Variants in SMG6 observed in about 807,000 individuals in gnomAD.
SMG6 encodes the protein SMG6 nonsense mediated mRNA decay factor, also known as telomerase-binding protein EST1A.
In SMG6, 66 loss-of-function variants were observed where a neutral mutation model predicts 142.2. The ratio of observed to expected loss-of-function variants is 0.46; its 90% CI spans 0.38 to 0.57. The LOEUF (loss-of-function observed/expected upper bound fraction) is 0.57, where lower values mean the gene tolerates loss of function less well. SMG6 is among the 20% of genes least tolerant of loss of function. The pLI, the probability that SMG6 is intolerant of heterozygous loss-of-function variation, is 0.00. For synonymous variants in SMG6, 779 were observed against 702.4 expected, an observed-to-expected ratio of 1.11 and a Z score of -1.72; for missense variants, 1,793 against 1,832.0, an observed-to-expected ratio of 0.98 and a Z score of 0.39.
chr17:2,273,974 C>T (rs1167362018), intron 8 of SMG6, among the ~76,000 whole-genome samples: 12 of 152,210 alleles, frequency 7.9e-5, no homozygotes, highest in Non-Finnish European at 1.3e-4. Context: ...CCACAAATAA[C>T]AAGAATCAAC....
intron 13 of SMG6, among the ~76,000 whole-genome samples, chr17:2,091,720 G>A (rs988126300): frequency 6.0e-5 from 9 of 150,778 alleles, no homozygotes; most frequent in Non-Finnish European, 7.4e-5. Context: ...GCCCAGGCTG[G>A]AGTGCAGTGG....
Position 2,299,119 on chromosome 17 carries a change from G to T in SMG6, c.1634C>A (p.Pro545Gln). ...CTGTCCTGACGGAGTCGGGTAGCCT[G>T]GGTAGTAAGGCCCTGGGTACACACC... ...TNGVYPGPYY[P>Q]GYPTPSGQYV... Residue 545 changes from proline (P) to glutamine (Q), a missense_variant, in exon 2 of 19, where the codon CCA becomes CAA. Around this residue, in one of 3 missense-constraint regions of SMG6, gnomAD observed 1,597 missense variants for 1,584.6 expected, o/e 1.01. Transcript: ENST00000263073. This position sits in a 1 kb window ranked among gnomAD's most constrained non-coding sequence, Gnocchi z 4.3. 6.2e-7 allele frequency: 1 copy of T among 1,614,034 alleles called. No individual in the cohort carries two copies. The highest frequency in any genetic ancestry group is 1.1e-5 in the South Asian group (1 of 91,070).
At chr17:2,062,757 G>C (rs891555952) in intron 18 of SMG6, 3 of 152,400 alleles carry the variant, frequency 2.0e-5, no homozygotes, top group African/African-American at 7.2e-5. Flanking sequence ...TGGCGGGGGT[G>C]GGGGGCTGCA....
intron 10 of SMG6, among the ~76,000 whole-genome samples, chr17:2,195,863 C>T (rs1489705268): frequency 1.3e-4 from 20 of 152,136 alleles, no homozygotes; most frequent in Admixed American, 1.3e-3. Flanking sequence ...CTCATGCCCA[C>T]ATTGTTTGCA....
At chr17:2,177,652 G>C (rs2071688464) in intron 12 of SMG6, among the ~76,000 whole-genome samples, 1 of 152,224 alleles carries the variant, frequency 6.6e-6, no homozygotes, top group South Asian at 2.1e-4. Flanking sequence ...AACCCGGAAA[G>C]AGTTGAGTGA....
At chr17:2,198,472 C>T (rs2072403729) in intron 10 of SMG6, among the ~76,000 whole-genome samples, 1 of 152,152 alleles carries the variant, frequency 6.6e-6, no homozygotes, top group Non-Finnish European at 1.5e-5. Flanking sequence ...GAACCCCACA[C>T]ACACACGCAC....
At chr17:2,080,965 G>A (rs180873471) in intron 15 of SMG6, among the ~76,000 whole-genome samples, 27 of 152,308 alleles carry the variant, frequency 1.8e-4, no homozygotes, top group African/African-American at 5.8e-4. Flanking sequence ...GAGGAAACAG[G>A]CTCTGAGAAG....
chr17:2,193,867 G>A (rs534142038), intron 10 of SMG6, among the ~76,000 whole-genome samples: 2 of 152,304 alleles, frequency 1.3e-5, no homozygotes, highest in East Asian at 1.9e-4. Flanking sequence ...TCACTCTGTC[G>A]TCTAGACTGG....
chr17:2,105,587 A>G (rs1263147822), intron 13 of SMG6, among the ~76,000 whole-genome samples: 1 of 152,182 alleles, frequency 6.6e-6, no homozygotes, highest in African/African-American at 2.4e-5. Flanking sequence ...GCCCAGACTC[A>G]GCAGTAGCCT....
chr17:2,073,366 A>G (rs886341870), intron 15 of SMG6, among the ~76,000 whole-genome samples: 3 of 151,802 alleles, frequency 2.0e-5, no homozygotes, highest in Non-Finnish European at 4.4e-5. Context: ...TTACAGGCGT[A>G]AGCCACTGTG....
chr17:2,197,872 G>T (rs1008816044), intron 10 of SMG6, among the ~76,000 whole-genome samples: 1 of 152,180 alleles, frequency 6.6e-6, no homozygotes, highest in African/African-American at 2.4e-5. Flanking sequence ...TCACATGTAC[G>T]TTGCTGATGG....
rs554939621 is a variant in SMG6 at position 2,062,174 on chromosome 17, T to C, written c.4130-552A>G. On this transcript the variant is annotated intron_variant, in intron 18 of 18. Transcript: ENST00000263073. The stretch of plus-strand genomic sequence containing the variant: ...GGAGAGGGTAAGGGTCTTGGCAGAA[T>C]TGTGCCAAGGGCACACCAAGGCTTT... The C allele has an allele frequency of 5.9e-5, 9 of 153,138 alleles. No individual in the cohort carries two copies. The East Asian group carries it at 1.7e-3, about 30-fold the overall frequency. The allele number at this position is 153,138 out of a possible 1,614,324, so 9.5% of individuals were successfully genotyped here.
chr17:2,121,641 GTGTGT>G (rs1301348719), intron 13 of SMG6, among the ~76,000 whole-genome samples: 3 of 75,760 alleles, frequency 4.0e-5, no homozygotes, highest in Non-Finnish European at 8.5e-5. Context: ...GTGTGTGTGT[GTGTGT>G]AGAGAGAGAG....
intron 10 of SMG6, among the ~76,000 whole-genome samples, chr17:2,206,443 G>A (rs2151735464): frequency 6.6e-6 from 1 of 151,722 alleles, no homozygotes; most frequent in East Asian, 2.0e-4. Context: ...GTTGGGCAAG[G>A]TGGCATGCTC....
chr17:2,206,347 A>G (rs2151735212), intron 10 of SMG6, among the ~76,000 whole-genome samples: 1 of 151,812 alleles, frequency 6.6e-6, no homozygotes, highest in African/African-American at 2.4e-5. Flanking sequence ...GCACTTTGGG[A>G]GGCCGAGGCT....
intron 10 of SMG6, among the ~76,000 whole-genome samples, chr17:2,190,368 A>T (rs1184448811): frequency 6.6e-6 from 1 of 152,204 alleles, no homozygotes; most frequent in Admixed American, 6.5e-5. Flanking sequence ...GAAGGCTAGA[A>T]GGGATGGAGG....
intron 8 of SMG6, among the ~76,000 whole-genome samples, chr17:2,255,476 T>C (rs1350809433): frequency 6.9e-6 from 1 of 145,612 alleles, no homozygotes; most frequent in Non-Finnish European, 1.5e-5. Context: ...AGCAGGGAAG[T>C]GACATGAGCA....
intron 6 of SMG6, among the ~76,000 whole-genome samples, chr17:2,291,273 G>A (rs1001777179): frequency 5.9e-5 from 9 of 151,918 alleles, no homozygotes; most frequent in African/African-American, 1.2e-4. Context: ...GGAGCTTGCC[G>A]TGAGCCGAGA....
chr17:2,205,089 G>A (rs1488230340), intron 10 of SMG6, among the ~76,000 whole-genome samples: 1 of 151,804 alleles, frequency 6.6e-6, no homozygotes, highest in African/African-American at 2.4e-5. Context: ...TTTTTTCTGA[G>A]ACTGAGTCTC....
Sources: allele counts gnomAD v4.1 joint callset (sites outside exome capture counted in the v4.1 genomes callset), GRCh38; gene constraint gnomAD v4.1.1; regional missense constraint gnomAD v4.1.1; non-coding constraint Gnocchi (gnomAD v3.1); transcripts MANE v1.5; gene names NCBI Gene and HGNC (gene_info 2026-07-23, HGNC 2026-07-21).